The following PCDHAC1 variants were observed in gnomAD, a reference collection of about 807,000 sequenced individuals.
The protein encoded by PCDHAC1 is protocadherin alpha subfamily C, 1.
Under a neutral mutation model 60.0 loss-of-function variants are expected in PCDHAC1, and 42 were observed. That is an observed-to-expected ratio of 0.70 (90% CI 0.55 to 0.90). The LOEUF is 0.90. PCDHAC1 is among the 40% of genes least tolerant of loss of function. PCDHAC1 has a pLI of 0.00. For synonymous variants in PCDHAC1, 468 were observed against 499.3 expected, an observed-to-expected ratio of 0.94 and a Z score of 0.84; for missense variants, 1,160 against 1,222.3, an observed-to-expected ratio of 0.95 and a Z score of 0.76.
In PCDHAC1 at chr5:140,928,822, C is replaced by G. The variant is rs782187448; in HGVS notation, c.1930C>G (p.Pro644Ala). ...GGTAGTGGTTCGGGACCATGGAGAC[C>G]CACCACTTTCCTCCTCTGTCACTCT... Reference protein sequence around the residue: ...VVVVVRDHGDPPLSSSVTLGV... With the variant: ...VVVVVRDHGDAPLSSSVTLGV... The change falls in exon 1 of 4, where the codon CCA becomes GCA. Residue 644 changes from proline to alanine, a missense_variant. Pro to Ala is a conservative substitution (Grantham distance 27, BLOSUM62 -1). Coordinates refer to ENST00000253807, the MANE Select transcript of PCDHAC1 (RefSeq NM_018898.5). 6 of 1,614,116 alleles carry G rather than the reference C, an allele frequency of 3.7e-6. No individual in the cohort carries two copies. The South Asian group carries it at 6.6e-5, about 18-fold the overall frequency.
intron 1 of PCDHAC1, among the ~76,000 whole-genome samples, chr5:140,934,604 G>C (rs1389000917): frequency 6.6e-6 from 1 of 151,762 alleles, no homozygotes; most frequent in Non-Finnish European, 1.5e-5. Context: ...TCAACTATTT[G>C]ATTAGCCTGA....
chr5:140,927,773 A>C lies in PCDHAC1; in HGVS notation c.881A>C (p.Gln294Pro), dbSNP rs143568645. The C allele has an allele frequency of 6.2e-7, 1 of 1,614,078 alleles. No individual in the cohort carries two copies. Among genetic ancestry groups the C allele is most frequent in the Non-Finnish European group, 8.5e-7 (1 of 1,180,042 alleles). Residue 294 changes from glutamine to proline, a missense_variant, in exon 1 of 4, where the codon CAA becomes CCA. Gln to Pro is a moderately conservative substitution (Grantham distance 76, BLOSUM62 -1). This residue lies in a region of PCDHAC1 where 1,113 missense variants were observed against 1,163.7 expected (regional missense o/e 0.96). Transcript: ENST00000253807. ...FHVHPKSGEVQVAASLGPPET... is the reference protein window; with the variant it reads ...FHVHPKSGEVPVAASLGPPET... ...GTGCACCCTAAAAGTGGGGAGGTGC[A>C]AGTAGCTGCTTCACTAGGTCCGCCT...
intron 1 of PCDHAC1, among the ~76,000 whole-genome samples, chr5:140,949,801 C>T (rs964520875): frequency 6.6e-5 from 10 of 151,836 alleles, no homozygotes; most frequent in African/African-American, 2.4e-4. Context: ...TCCTTCAATA[C>T]ATTATTTGCT....
At chr5:140,952,088 A>G (rs2094684736) in intron 1 of PCDHAC1, among the ~76,000 whole-genome samples, 1 of 152,154 alleles carries the variant, frequency 6.6e-6, no homozygotes, top group South Asian at 2.1e-4. Flanking sequence ...TCCATGTCTC[A>G]CATCCAGGGC....
At chr5:140,941,210 T>C (rs199663607) in intron 1 of PCDHAC1, among the ~76,000 whole-genome samples, 3,757 of 100,378 alleles carry the variant, frequency 0.037, 93 homozygotes, top group African/African-American at 0.096. Context: ...TTCCTTTCTT[T>C]CTTCCTTTCT....
At chr5:140,991,595 C>G (rs181014489) in intron 3 of PCDHAC1, among the ~76,000 whole-genome samples, 1 of 152,328 alleles carries the variant, frequency 6.6e-6, no homozygotes, top group African/African-American at 2.4e-5. Flanking sequence ...TACCTGAGCC[C>G]TCACTGGCAG....
intron 1 of PCDHAC1, among the ~76,000 whole-genome samples, chr5:140,959,109 G>A (rs1401809702): frequency 1.3e-5 from 2 of 152,040 alleles, no homozygotes; most frequent in African/African-American, 4.8e-5. Context: ...GCAGGGGTCC[G>A]AAGGTGGGCG....
chr5:140,956,132 C>T (rs782171826), intron 1 of PCDHAC1, among the ~76,000 whole-genome samples: 1 of 152,028 alleles, frequency 6.6e-6, no homozygotes, highest in African/African-American at 2.4e-5. Context: ...ATTTGAATAC[C>T]CTTTATTTCT....
At chr5:140,976,143 A>G (rs2096703250) in intron 1 of PCDHAC1, among the ~76,000 whole-genome samples, 1 of 152,236 alleles carries the variant, frequency 6.6e-6, no homozygotes, top group South Asian at 2.1e-4. Flanking sequence ...GATGAAACTC[A>G]TGTACATTTT....
chr5:140,958,900 C>T (rs246008), intron 1 of PCDHAC1, among the ~76,000 whole-genome samples: 85,461 of 151,702 alleles, frequency 0.56, 24,676 homozygotes, highest in African/African-American at 0.69. Flanking sequence ...ATAATAGATA[C>T]AGAAAAGTCT....
intron 2 of PCDHAC1, chr5:140,982,263 C>A: frequency 1.2e-6 from 1 of 858,968 alleles, no homozygotes; most frequent in Non-Finnish European, 1.7e-6. Flanking sequence ...ATGTGTGTTC[C>A]TGGAATAGTA....
Position 140,928,354 on chromosome 5 carries a change from A to C in PCDHAC1, c.1462A>C (p.Ile488Leu), listed in dbSNP as rs374655565. 6.2e-6 allele frequency: 10 copies of C among 1,614,032 alleles called. No homozygotes were observed. Among genetic ancestry groups the C allele is most frequent in the African/African-American group, 1.3e-5 (1 of 74,912 alleles). ...GLVSYELLDV[I>L]SEGPSASSLL... ...TGTCTCTTATGAGCTGTTGGATGTT[A>C]TCTCTGAAGGGCCATCAGCCTCTAG... The change falls in exon 1 of 4, where the codon ATC (isoleucine) becomes CTC (leucine). Residue 488 changes from isoleucine (I) to leucine (L), a missense_variant. Physicochemically the swap from Ile to Leu is conservative, Grantham distance 5. Coordinates refer to ENST00000253807, the MANE Select transcript of PCDHAC1 (RefSeq NM_018898.5).
At position 140,927,192 on chromosome 5, in the gene PCDHAC1, G is replaced by T; in HGVS notation, c.300G>T (p.Val100=). The T allele has an allele frequency of 2.5e-6, 4 of 1,614,154 alleles. No homozygotes were observed. The highest frequency in any genetic ancestry group is 3.4e-6 in the Non-Finnish European group (4 of 1,180,042). ...CCTGCGTCTTGACCTACGACCTGGT[G>T]CTCGAGGACCCGCTGGAGCTGCACA... ...KAACVLTYDL[V]LEDPLELHKI... Residue 100 remains valine, a synonymous_variant, in exon 1 of 4, where the codon GTG becomes GTT. Transcript: ENST00000253807.
At chr5:140,967,056 G>C in intron 1 of PCDHAC1, 1 of 1,612,712 alleles carries the variant, frequency 6.2e-7, no homozygotes, top group Non-Finnish European at 8.5e-7. Flanking sequence ...CTGACGAGTG[G>C]AGCGCTCTTC....
chr5:141,009,941 C>T lies in PCDHAC1; in HGVS notation c.*4C>T, dbSNP rs976573218. On this transcript the variant is annotated 3_prime_UTR_variant, in exon 4 of 4. Coordinates refer to ENST00000253807, the MANE Select transcript of PCDHAC1 (RefSeq NM_018898.5). ...GACTGACAACAGTGACCAGTGAGGT[C>T]CTCAAATGGAAACAAGCCACTTAGC... is the stretch of plus-strand genomic sequence containing the variant. 6.3e-7 allele frequency: 1 copy of T among 1,597,476 alleles called. No individual in the cohort carries two copies. The highest frequency in any genetic ancestry group is 1.4e-5 in the African/African-American group (1 of 73,558).
At chr5:140,982,683 T>C in intron 3 of PCDHAC1, 120 bp downstream of exon 3, 2 of 1,424,800 alleles carry the variant, frequency 1.4e-6, no homozygotes, top group Non-Finnish European at 1.8e-6. Context: ...TATTCCCTTT[T>C]TTCCATACAT....
chr5:140,941,201 TCC>T lies in PCDHAC1; in HGVS notation c.2433+11877_2433+11878del, dbSNP rs1554213890. On this transcript the variant is annotated intron_variant, in intron 1 of 3. Coordinates refer to ENST00000253807, the MANE Select transcript of PCDHAC1 (RefSeq NM_018898.5). The stretch of plus-strand genomic sequence containing the variant: ...ATCCTGCTTCTTTTTTTTTCTTTCT[TCC>T]TTTCTTTCTTCCTTTCTTTCTTTCT... 4.9e-3 allele frequency among the ~76,000 whole-genome samples: 512 copies of T among 103,578 alleles called. 4 individuals are homozygous for T. The highest frequency in any genetic ancestry group is 7.0e-3 in the African/African-American group (178 of 25,432). 68.0% of individuals were successfully genotyped at this position (103,578 alleles called of 152,430 possible). A position where few individuals can be genotyped will look rare whatever the true frequency, so the allele number is the denominator to read the frequency against.
Position 140,959,365 on chromosome 5 carries a change from C to A in PCDHAC1, c.2434-19584C>A, listed in dbSNP as rs77362755. On this transcript the variant is annotated intron_variant, in intron 1 of 3. Transcript: ENST00000253807. ...ACTCCAGCGGGACAACTGAGTGAGA[C>A]CCTGTCTCAAAAAAAAAAGTCACAA... Among the ~76,000 whole-genome samples the A allele has an allele frequency of 1.0e-3, 158 of 151,880 alleles. 5 individuals carry two copies. In the East Asian group the frequency reaches 0.028, roughly 27 times the overall value.
intron 1 of PCDHAC1, among the ~76,000 whole-genome samples, chr5:140,951,153 G>T (rs1585399827): frequency 3.4e-5 from 1 of 29,832 alleles, no homozygotes; most frequent in Admixed American, 3.1e-4. Context: ...ATTGAATATA[G>T]TTATAGTAGC....
Sources: gnomAD v4.1 joint callset for allele counts (sites outside exome capture counted in the v4.1 genomes callset) on GRCh38, gnomAD v4.1.1 for gene constraint, gnomAD v4.1.1 regional missense constraint, MANE v1.5 for transcripts, NCBI Gene and HGNC (gene_info 2026-07-23, HGNC 2026-07-21) for gene names.